Variants in RIMS2 observed in about 807,000 individuals in gnomAD.
RIMS2 encodes the protein regulating synaptic membrane exocytosis protein 2.
Under a neutral mutation model 174.4 loss-of-function variants are expected in RIMS2, and 59 were observed. The ratio of observed to expected loss-of-function variants is 0.34; its 90% CI spans 0.27 to 0.42. RIMS2 has a LOEUF of 0.42. RIMS2 is among the 10% of genes least tolerant of loss of function. The probability of loss-of-function intolerance (pLI) is 1.00; values close to 1 mark genes in which losing one functional copy is unlikely to be tolerated. For synonymous variants in RIMS2, 606 were observed against 572.5 expected, an observed-to-expected ratio of 1.06 and a Z score of -0.84; for missense variants, 1,620 against 1,666.3, an observed-to-expected ratio of 0.97 and a Z score of 0.48.
chr8:104,103,614 G>T (rs569355424), intron 19 of RIMS2, among the ~76,000 whole-genome samples: 1 of 151,322 alleles, frequency 6.6e-6, no homozygotes, highest in Non-Finnish European at 1.5e-5. Context: ...TCATCTGTGC[G>T]TATATTTTTA....
chr8:103,671,635 G>A (rs906799808), intron 1 of RIMS2, among the ~76,000 whole-genome samples: 2 of 152,152 alleles, frequency 1.3e-5, no homozygotes, highest in African/African-American at 4.8e-5. Context: ...GTTTTAAAAT[G>A]CATCAGAATT....
intron 10 of RIMS2, among the ~76,000 whole-genome samples, chr8:103,923,661 G>A (rs1383370271): frequency 6.6e-6 from 1 of 151,666 alleles, no homozygotes; most frequent in East Asian, 1.9e-4. Context: ...TGACTTGGAA[G>A]GAATATGTTC....
At chr8:104,015,008 T>C (rs183394820) in intron 19 of RIMS2, among the ~76,000 whole-genome samples, 25 of 152,294 alleles carry the variant, frequency 1.6e-4, no homozygotes, top group African/African-American at 5.8e-4. Flanking sequence ...TGATGCACAA[T>C]GGTGATCCTT....
At chr8:104,190,030 A>G (rs891584403) in intron 19 of RIMS2, among the ~76,000 whole-genome samples, 11 of 152,138 alleles carry the variant, frequency 7.2e-5, no homozygotes, top group South Asian at 6.2e-4. Context: ...ATATTACAGC[A>G]TGGTGGCTCA....
chr8:103,702,981 G>C (rs2097184055), intron 2 of RIMS2, among the ~76,000 whole-genome samples: 1 of 124,444 alleles, frequency 8.0e-6, no homozygotes, highest in Non-Finnish European at 1.7e-5. Flanking sequence ...GTTTTTGTGA[G>C]TTTGTTTTTT....
intron 4 of RIMS2, among the ~76,000 whole-genome samples, chr8:103,908,028 G>A (rs940549833): frequency 5.3e-5 from 8 of 150,830 alleles, no homozygotes; most frequent in East Asian, 2.0e-4. Context: ...GATTACAGGC[G>A]TAAGCCACCG....
At chr8:104,002,717 A>G (rs961430076) in intron 17 of RIMS2, among the ~76,000 whole-genome samples, 1 of 152,194 alleles carries the variant, frequency 6.6e-6, no homozygotes, top group South Asian at 2.1e-4. Context: ...TTAACATGGC[A>G]TCCCCAGTTA....
At chr8:104,178,044 A>T (rs911474445) in intron 19 of RIMS2, among the ~76,000 whole-genome samples, 2 of 152,160 alleles carry the variant, frequency 1.3e-5, no homozygotes, top group African/African-American at 4.8e-5. Context: ...TTGCTACTGT[A>T]AAAAATTACT....
intron 3 of RIMS2, among the ~76,000 whole-genome samples, chr8:103,851,324 G>T (rs1421495072): frequency 2.6e-5 from 4 of 151,538 alleles, no homozygotes; most frequent in Non-Finnish European, 4.4e-5. Context: ...TATATGTTTT[G>T]CTAGTTATGT....
At chr8:103,813,017 G>A (rs1174370762) in intron 3 of RIMS2, among the ~76,000 whole-genome samples, 1 of 152,146 alleles carries the variant, frequency 6.6e-6, no homozygotes, top group African/African-American at 2.4e-5. Flanking sequence ...TAAATTTTAA[G>A]AAAAGGAAGA....
At chr8:103,897,500 A>G (rs943031590) in intron 4 of RIMS2, among the ~76,000 whole-genome samples, 2 of 151,690 alleles carry the variant, frequency 1.3e-5, no homozygotes, top group African/African-American at 4.9e-5. Flanking sequence ...CTTCATATGC[A>G]TTTTACTCAT....
chr8:103,512,608 A>G (rs1827085180), intron 1 of RIMS2, among the ~76,000 whole-genome samples: 1 of 151,990 alleles, frequency 6.6e-6, no homozygotes, highest in African/African-American at 2.4e-5. Flanking sequence ...TGTTGGCCAA[A>G]GCAAATTTCA....
chr8:104,068,476 G>A lies in RIMS2; in HGVS notation c.3334+53861G>A, dbSNP rs750054832. 10 of 952,400 alleles carry A rather than the reference G, an allele frequency of 1.0e-5. No homozygotes were observed. In the Admixed American group the frequency reaches 1.7e-4, roughly 16 times the overall value. 59.0% of individuals were successfully genotyped at this position (952,400 alleles called of 1,614,324 possible). On this transcript the variant is annotated intron_variant, in intron 19 of 23. Transcript: ENST00000504942. ...TAAGTCGGACTCAGAAATAAGAACTGAACATTAATTTTATGGGTTTTTTTC... is the reference window on the plus strand; with the variant it reads ...TAAGTCGGACTCAGAAATAAGAACTAAACATTAATTTTATGGGTTTTTTTC...
intron 19 of RIMS2, among the ~76,000 whole-genome samples, chr8:104,165,348 T>G (rs537322394): frequency 6.6e-6 from 1 of 152,354 alleles, no homozygotes; most frequent in African/African-American, 2.4e-5. Context: ...TACTGGATTA[T>G]TCCTCTTTTT....
chr8:103,566,042 G>T (rs959339145), intron 1 of RIMS2, among the ~76,000 whole-genome samples: 1 of 152,114 alleles, frequency 6.6e-6, no homozygotes, highest in African/African-American at 2.4e-5. Context: ...AAATTGAGGT[G>T]CCACTGAGTT....
intron 3 of RIMS2, among the ~76,000 whole-genome samples, chr8:103,850,377 A>C (rs1365115051): frequency 1.3e-5 from 2 of 151,988 alleles, no homozygotes; most frequent in Non-Finnish European, 1.5e-5. Flanking sequence ...TAAATTGTCA[A>C]ACAAAATTCT....
rs570701154 is a variant in RIMS2 at position 103,553,411 on chromosome 8, A to G, written c.176+52349A>G. On this transcript the variant is annotated intron_variant, in intron 1 of 23. Coordinates refer to ENST00000504942, the Ensembl canonical transcript of RIMS2. ...AATTTAACAATGACAACACTTGGACACAGGGTGGGGAATATCAAACACTGG... is the reference window on the plus strand; with the variant it reads ...AATTTAACAATGACAACACTTGGACGCAGGGTGGGGAATATCAAACACTGG... 2.8e-4 allele frequency among the ~76,000 whole-genome samples: 42 copies of G among 152,104 alleles called. 1 individual carries two copies. Among genetic ancestry groups the G allele is most frequent in the Non-Finnish European group, 5.9e-4 (40 of 68,026 alleles).
intron 2 of RIMS2, among the ~76,000 whole-genome samples, chr8:103,728,861 A>T (rs1347862334): frequency 6.8e-6 from 1 of 147,816 alleles, no homozygotes; most frequent in Non-Finnish European, 1.5e-5. Flanking sequence ...CATTCTGTTG[A>T]CATGATGTAA....
chr8:103,772,181 C>T (rs1269606080), intron 3 of RIMS2, among the ~76,000 whole-genome samples: 2 of 151,568 alleles, frequency 1.3e-5, no homozygotes, highest in Admixed American at 6.6e-5. Flanking sequence ...ATGCAATAGG[C>T]ACAATAAAAT....
Sources: allele counts gnomAD v4.1 joint callset (sites outside exome capture counted in the v4.1 genomes callset), GRCh38; gene constraint gnomAD v4.1.1; transcripts MANE v1.5; gene names NCBI Gene and HGNC (gene_info 2026-07-23, HGNC 2026-07-21).